The following CLEC2A variants were observed in gnomAD, a reference collection of about 807,000 sequenced individuals.
The protein encoded by CLEC2A is keratinocyte-associated C-type lectin.
Under a neutral mutation model 18.6 loss-of-function variants are expected in CLEC2A, and 19 were observed. That is an observed-to-expected ratio of 1.02 (90% confidence interval 0.71 to 1.50). CLEC2A has a LOEUF of 1.50. Ranked by LOEUF, CLEC2A falls within the 40% of genes most tolerant of loss-of-function variation. CLEC2A has a pLI of 0.00. For synonymous variants in CLEC2A, 74 were observed against 64.0 expected, an observed-to-expected ratio of 1.16 and a Z score of -0.75; for missense variants, 190 against 207.9, an observed-to-expected ratio of 0.91 and a Z score of 0.53.
At chr12:9,910,791 A>C (rs1413228687), downstream of CLEC2A, among the ~76,000 whole-genome samples, 2 of 151,876 alleles carry the variant, frequency 1.3e-5, no homozygotes, top group African/African-American at 4.8e-5. Context: ...ATGCTGGGGG[A>C]GGTCCTGATC....
downstream of CLEC2A, among the ~76,000 whole-genome samples, chr12:9,897,049 G>A (rs1320809453): frequency 1.3e-5 from 2 of 151,810 alleles, no homozygotes; most frequent in African/African-American, 2.4e-5. Context: ...TAGTAGAGAC[G>A]AGGTTTCACC....
At chr12:9,907,389 A>G (rs1862921034) in intron 4 of CLEC2A, among the ~76,000 whole-genome samples, 1 of 152,194 alleles carries the variant, frequency 6.6e-6, no homozygotes, top group South Asian at 2.1e-4. Context: ...GAGCATATGA[A>G]TGAATCCATA....
In CLEC2A at chr12:9,918,874, C is replaced by A. The variant is rs187886446; in HGVS notation, c.307-2071G>T. 1.0e-3 allele frequency among the ~76,000 whole-genome samples: 156 copies of A among 152,252 alleles called. 1 individual carries two copies. Among genetic ancestry groups the A allele is most frequent in the Middle Eastern group, 3.4e-3 (1 of 294 alleles). ...TTAGTACAGTCGATAGATCTCTTTT[C>A]TGTTTGTTTTCATAGGGCTGAAGCT... On this transcript the variant is annotated intron_variant, in intron 3 of 4. Transcript: ENST00000455827.
chr12:9,914,739 A>G (rs536545009), intron 4 of CLEC2A, among the ~76,000 whole-genome samples: 2 of 152,182 alleles, frequency 1.3e-5, no homozygotes, highest in Non-Finnish European at 2.9e-5. Context: ...ACTTAAATGT[A>G]AAACCCCAAA....
downstream of CLEC2A, among the ~76,000 whole-genome samples, chr12:9,910,825 A>C (rs1465021552): frequency 1.3e-5 from 2 of 152,058 alleles, no homozygotes; most frequent in African/African-American, 4.8e-5. Flanking sequence ...GGCCAACGCA[A>C]CGAGAGAGTG....
chr12:9,920,913 T>G (rs373233711), intron 3 of CLEC2A, among the ~76,000 whole-genome samples: 12 of 152,284 alleles, frequency 7.9e-5, no homozygotes, highest in African/African-American at 2.9e-4. Flanking sequence ...AGAATGCAAA[T>G]TGAAAAGGGT....
intron 1 of CLEC2A, 46 bp downstream of exon 1, chr12:9,932,229 T>A: frequency 1.4e-6 from 2 of 1,382,592 alleles, no homozygotes; most frequent in Non-Finnish European, 1.0e-6. Context: ...CTGTATTTTG[T>A]TTTATCTTTC....
At chr12:9,885,001 C>G in the CLEC2A span, 1 of 1,322,760 alleles carries the variant, frequency 7.6e-7, no homozygotes, top group African/African-American at 1.5e-5. Context: ...TCCTTATATT[C>G]ATTATGACAG....
chr12:9,901,534 C>T (rs112010670), intron 4 of CLEC2A, among the ~76,000 whole-genome samples: 228 of 152,206 alleles, frequency 1.5e-3, no homozygotes, highest in African/African-American at 5.4e-3. Flanking sequence ...CAAGATATAA[C>T]CTAAAAAAGA....
At chr12:9,923,810 C>T (rs887920026) in intron 2 of CLEC2A, among the ~76,000 whole-genome samples, 1 of 152,076 alleles carries the variant, frequency 6.6e-6, no homozygotes, top group African/African-American at 2.4e-5. Context: ...CCATCATTCT[C>T]AGCAAACTAT....
At chr12:9,891,430 C>G in the CLEC2A span, among the ~76,000 whole-genome samples, 1 of 152,166 alleles carries the variant, frequency 6.6e-6, no homozygotes, top group Non-Finnish European at 1.5e-5. Flanking sequence ...CTACACTCAT[C>G]ATTTGGAGTA....
rs1863075709 is a variant in CLEC2A, at chr12:9,916,616, T to G, written c.410+84A>C. ...CCACATGGAAAACAGAAAGATTTGTTTATAATAATACAACTCAAAATGATT... is the reference window on the plus strand; with the variant it reads ...CCACATGGAAAACAGAAAGATTTGTGTATAATAATACAACTCAAAATGATT... On this transcript the variant is annotated intron_variant, in intron 4 of 4. Coordinates refer to ENST00000455827, the MANE Select transcript of CLEC2A (RefSeq NM_001130711.2). 3 of 896,854 alleles carry G rather than the reference T, an allele frequency of 3.3e-6. No homozygotes were observed. In the South Asian group the frequency reaches 4.4e-5, roughly 13 times the overall value. The allele number at this position is 896,854 out of a possible 1,614,324, so 55.6% of individuals were successfully genotyped here. A position where few individuals can be genotyped will look rare whatever the true frequency, so the allele number is the denominator to read the frequency against.
chr12:9,884,974 A>G, the CLEC2A span: 1 of 1,346,120 alleles, frequency 7.4e-7, no homozygotes, highest in Admixed American at 2.9e-5. Context: ...TTCTGCTCAT[A>G]TTTGGATGCA....
intron 4 of CLEC2A, among the ~76,000 whole-genome samples, chr12:9,904,765 G>C (rs112120899): frequency 2.0e-5 from 3 of 152,142 alleles, no homozygotes; most frequent in Admixed American, 6.5e-5. Context: ...GCAATAAGGG[G>C]TTACACTGCA....
At chr12:9,890,232 T>C in the CLEC2A span, among the ~76,000 whole-genome samples, 4 of 152,198 alleles carry the variant, frequency 2.6e-5, no homozygotes, top group Non-Finnish European at 5.9e-5. Flanking sequence ...TTGTTTTTGA[T>C]TGATATATAA....
chr12:9,930,746 C>T lies in CLEC2A; in HGVS notation c.55+1529G>A, dbSNP rs12299496. Among the ~76,000 whole-genome samples, 965 of 151,912 alleles carry T rather than the reference C, an allele frequency of 6.4e-3. 5 individuals carry two copies. The highest frequency in any genetic ancestry group is 0.011 in the Non-Finnish European group (754 of 67,922). ...CCTATCCGCTATTCTTTTTTTCTCTCTCTCTGTTTCAGATTCTTGTTATCT... is the reference window on the plus strand; with the variant it reads ...CCTATCCGCTATTCTTTTTTTCTCTTTCTCTGTTTCAGATTCTTGTTATCT... On this transcript the variant is annotated intron_variant, in intron 1 of 4. Transcript: ENST00000455827.
chr12:9,897,606 T>G (rs1862770859), downstream of CLEC2A, among the ~76,000 whole-genome samples: 3 of 147,978 alleles, frequency 2.0e-5, no homozygotes, highest in South Asian at 4.3e-4. Flanking sequence ...CAGTGCCACC[T>G]CACAGATTGA....
the CLEC2A span, among the ~76,000 whole-genome samples, chr12:9,884,662 T>C: frequency 6.7e-6 from 1 of 149,850 alleles, no homozygotes. Flanking sequence ...TATTTGTATG[T>C]ATAATTTATA....
rs917619528 is a variant in CLEC2A, at chr12:9,922,136, C to A, written c.236G>T (p.Trp79Leu). ...CFYFSDDTRN[W>L]TASKIFCSLQ... ...ACTACAAAATATTTTACTGGCTGTCCAATTTCTGGTATCATCAGAAAAATA... is the reference window on the plus strand; with the variant it reads ...ACTACAAAATATTTTACTGGCTGTCAAATTTCTGGTATCATCAGAAAAATA... The change falls in exon 3 of 5, where the codon TGG (tryptophan) becomes TTG (leucine). Residue 79 changes from tryptophan to leucine, a missense_variant. Trp to Leu is a moderately conservative substitution (Grantham distance 61). Coordinates refer to ENST00000455827, the MANE Select transcript of CLEC2A (RefSeq NM_001130711.2). 6.4e-7 allele frequency: 1 copy of A among 1,550,578 alleles called. No individual in the cohort carries two copies. The highest frequency in any genetic ancestry group is 1.4e-5 in the African/African-American group (1 of 72,944).
Sources: gnomAD v4.1 joint callset for allele counts (sites outside exome capture counted in the v4.1 genomes callset) on GRCh38, gnomAD v4.1.1 for gene constraint, MANE v1.5 for transcripts, NCBI Gene and HGNC (gene_info 2026-07-23, HGNC 2026-07-21) for gene names.